BEAN1: variants seen among roughly 807,000 people sequenced by gnomAD.
BEAN1 encodes protein BEAN1.
Under a neutral mutation model 17.7 loss-of-function variants are expected in BEAN1, and 17 were observed. The ratio of observed to expected loss-of-function variants is 0.96; its 90% CI spans 0.66 to 1.44. The LOEUF (loss-of-function observed/expected upper bound fraction) is 1.44, where lower values mean the gene tolerates loss of function less well. BEAN1 is among the 40% of genes most tolerant of loss of function. The pLI, the probability that BEAN1 is intolerant of heterozygous loss-of-function variation, is 0.00. For synonymous variants in BEAN1, 142 were observed against 151.8 expected (o/e 0.94, Z 0.47); for missense variants, 359 against 374.1 (o/e 0.96, Z 0.33).
chr16:66,476,626 C>A (rs542218404), intron 3 of BEAN1, among the ~76,000 whole-genome samples: 1 of 152,180 alleles, frequency 6.6e-6, no homozygotes, highest in African/African-American at 2.4e-5. Flanking sequence ...CTGTAGAGAG[C>A]TTAGCAAGGA....
chr16:66,452,040 C>A (rs1962690707), intron 2 of BEAN1, among the ~76,000 whole-genome samples: 4 of 152,170 alleles, frequency 2.6e-5, no homozygotes, highest in African/African-American at 9.7e-5. Flanking sequence ...GGATAAAGAA[C>A]TTCTCCCCAA....
At chr16:66,439,655 A>G (rs1209121171) in intron 2 of BEAN1, among the ~76,000 whole-genome samples, 1 of 152,168 alleles carries the variant, frequency 6.6e-6, no homozygotes, top group Non-Finnish European at 1.5e-5. Flanking sequence ...GCTCCTGCAC[A>G]TCTCTGAAAT....
At chr16:66,476,015 C>G (rs962685461) in intron 3 of BEAN1, 4 of 150,578 alleles carry the variant, frequency 2.7e-5, no homozygotes, top group Non-Finnish European at 5.9e-5. Flanking sequence ...GAGGCTGAGG[C>G]AGGAGAATGG....
At chr16:66,460,730 A>G (rs1963051334) in intron 2 of BEAN1, among the ~76,000 whole-genome samples, 1 of 152,214 alleles carries the variant, frequency 6.6e-6, no homozygotes, top group Non-Finnish European at 1.5e-5. Flanking sequence ...CTCCCTTCAC[A>G]AGAGTTAAGA....
chr16:66,486,410 C>T (rs1277956835), downstream of BEAN1, among the ~76,000 whole-genome samples: 6 of 152,218 alleles, frequency 3.9e-5, no homozygotes, highest in South Asian at 2.1e-4. Flanking sequence ...CATGTCACTG[C>T]GCCCAGCTAA....
intron 2 of BEAN1, 110 bp from the exon 3 acceptor site, chr16:66,469,491 AC>A: frequency 7.7e-7 from 1 of 1,300,866 alleles, no homozygotes; most frequent in South Asian, 1.4e-5. Flanking sequence ...CTGAGCCCAG[AC>A]CCTCCTCCAT....
chr16:66,470,927 C>A (rs1304209164), intron 3 of BEAN1, among the ~76,000 whole-genome samples: 2 of 152,188 alleles, frequency 1.3e-5, no homozygotes, highest in Non-Finnish European at 2.9e-5. Flanking sequence ...AAGGCCACCA[C>A]CAGATAGGGA....
chr16:66,450,437 T>C (rs1487408377), intron 2 of BEAN1, among the ~76,000 whole-genome samples: 1 of 152,068 alleles, frequency 6.6e-6, no homozygotes, highest in Non-Finnish European at 1.5e-5. Context: ...AGGATGGGTC[T>C]GGATGGGGTG....
intron 4 of BEAN1, among the ~76,000 whole-genome samples, chr16:66,488,244 A>G (rs1964116015): frequency 6.6e-6 from 1 of 152,110 alleles, no homozygotes. Context: ...GGGGCCTTGG[A>G]ATGTACCAAT....
At position 66,448,707 on chromosome 16, in the gene BEAN1, C is replaced by T. The variant is rs1962550653; in HGVS notation, c.25+11006C>T. On this transcript the variant is annotated intron_variant, in intron 2 of 4. Transcript: ENST00000536005. ...GTGTGGTGGCGGATGCCTGTAGTCC[C>T]AGCTACTTGGGAGGCAGAGGCAGGA... is the stretch of plus-strand genomic sequence containing the variant. Among the ~76,000 whole-genome samples, 3 of 152,194 alleles carry T rather than the reference C, an allele frequency of 2.0e-5. No individual in the cohort carries two copies. The South Asian group carries it at 6.2e-4, about 31-fold the overall frequency.
downstream of BEAN1, chr16:66,484,682 G>T (rs1328800057): frequency 4.4e-6 from 2 of 453,982 alleles, no homozygotes; most frequent in East Asian, 1.4e-4. The surrounding 1 kb of genome is among the most constrained non-coding windows in gnomAD (Gnocchi z 4.2). Flanking sequence ...ATGGAGTGAG[G>T]CAGGAAACAA....
intron 1 of BEAN1, among the ~76,000 whole-genome samples, chr16:66,433,914 C>G (rs28677811): frequency 1.3e-5 from 2 of 152,228 alleles, no homozygotes; most frequent in East Asian, 1.9e-4. Flanking sequence ...GACCCAGGCT[C>G]TCTCCCCTTA....
At chr16:66,467,777 G>A (rs1445481941) in intron 2 of BEAN1, among the ~76,000 whole-genome samples, 1 of 152,224 alleles carries the variant, frequency 6.6e-6, no homozygotes, top group Non-Finnish European at 1.5e-5. Context: ...GCAAAGGCTT[G>A]GCTCTCAAGA....
chr16:66,440,127 T>C (rs1263047466), intron 2 of BEAN1, among the ~76,000 whole-genome samples: 1 of 137,458 alleles, frequency 7.3e-6, no homozygotes, highest in African/African-American at 2.8e-5. Flanking sequence ...GTACTTCTTT[T>C]TTTTTTTTTT....
At chr16:66,467,748 C>T (rs888981141) in intron 2 of BEAN1, among the ~76,000 whole-genome samples, 5 of 152,174 alleles carry the variant, frequency 3.3e-5, no homozygotes, top group East Asian at 1.9e-4. Flanking sequence ...TCCAGGGGAG[C>T]GTCTTACAGT....
chr16:66,453,553 G>C (rs1003970873), intron 2 of BEAN1, among the ~76,000 whole-genome samples: 1 of 151,886 alleles, frequency 6.6e-6, no homozygotes, highest in Non-Finnish European at 1.5e-5. Flanking sequence ...GTATATACAG[G>C]ATCTCACTAT....
intron 3 of BEAN1, among the ~76,000 whole-genome samples, chr16:66,474,648 G>GGGAGAGAGGGAGGGA (rs1963658392): frequency 1.1e-5 from 1 of 93,112 alleles, no homozygotes; most frequent in Non-Finnish European, 2.2e-5. Flanking sequence ...GAGGGAGGGA[G>GGGAGAGAGGGAGGGA]GGGAAATAGA....
In BEAN1 at chr16:66,434,272, T is replaced by C. The variant is rs924321686; in HGVS notation, c.-82-3323T>C. Among the ~76,000 whole-genome samples, 4 of 148,000 alleles carry C rather than the reference T, an allele frequency of 2.7e-5. No homozygotes were observed. Among genetic ancestry groups the C allele is most frequent in the African/African-American group, 5.0e-5 (2 of 40,356 alleles). On this transcript the variant is annotated intron_variant, in intron 1 of 4. Coordinates refer to ENST00000536005, the MANE Select transcript of BEAN1 (RefSeq NM_001178020.3). This position sits in a 1 kb window ranked among gnomAD's most constrained non-coding sequence, Gnocchi z 4.3. ...AGGAACCACAGTCCCAGCCCATCTG[T>C]GCCCCTCATGGCTGTCTCCTCTCAG...
chr16:66,440,915 C>T (rs900973828), intron 2 of BEAN1, among the ~76,000 whole-genome samples: 5 of 152,148 alleles, frequency 3.3e-5, no homozygotes, highest in African/African-American at 9.7e-5. Flanking sequence ...CTCAGTTCCC[C>T]TCCTATCATA....
Sources: allele counts gnomAD v4.1 joint callset (sites outside exome capture counted in the v4.1 genomes callset), GRCh38; gene constraint gnomAD v4.1.1; non-coding constraint Gnocchi (gnomAD v3.1); transcripts MANE v1.5; gene names NCBI Gene and HGNC (gene_info 2026-07-23, HGNC 2026-07-21).